The following PCDHGA12 variants were observed in gnomAD, a reference collection of about 807,000 sequenced individuals.
PCDHGA12 encodes protocadherin gamma-A12.
In PCDHGA12, 43 loss-of-function variants were observed where a neutral mutation model predicts 61.1. That is an observed-to-expected ratio of 0.70 (90% confidence interval 0.55 to 0.91). PCDHGA12 has a LOEUF of 0.91. Ranked by LOEUF, PCDHGA12 falls within the 40% of genes least tolerant of loss-of-function variation. The pLI, the probability that PCDHGA12 is intolerant of heterozygous loss-of-function variation, is 0.00. For synonymous variants in PCDHGA12, 520 were observed against 542.9 expected (o/e 0.96, Z 0.59); for missense variants, 1,236 against 1,227.7 (o/e 1.01, Z -0.10).
rs750109717 is a variant in PCDHGA12, at chr5:141,490,546, A to C, written c.2425-4261A>C. 1.9e-6 allele frequency: 3 copies of C among 1,614,110 alleles called. No individual in the cohort carries two copies. Among genetic ancestry groups the C allele is most frequent in the Non-Finnish European group, 2.5e-6 (3 of 1,180,036 alleles). On this transcript the variant is annotated intron_variant, in intron 1 of 3. Transcript: ENST00000252085. The surrounding 1 kb of genome is among the most constrained non-coding windows in gnomAD (Gnocchi z 5.4). ...CGATGCTGGTTCACCTTCCCTACAC[A>C]AACATCTCACCATCAGGCTCAACAT...
intron 1 of PCDHGA12, among the ~76,000 whole-genome samples, chr5:141,436,320 G>A (rs1158221950): frequency 6.6e-6 from 1 of 152,120 alleles, no homozygotes; most frequent in African/African-American, 2.4e-5. Flanking sequence ...AGTCAAGACT[G>A]TTAGACCATA....
intron 1 of PCDHGA12, among the ~76,000 whole-genome samples, chr5:141,447,123 T>TTTTG (rs1327676720): frequency 6.6e-6 from 1 of 152,160 alleles, no homozygotes; most frequent in Admixed American, 6.6e-5. Context: ...CCATGGATTT[T>TTTTG]TTTGTTTGTT....
chr5:141,440,667 T>C (rs1330266877), intron 1 of PCDHGA12: 1 of 152,218 alleles, frequency 6.6e-6, no homozygotes, highest in East Asian at 1.9e-4. Context: ...GCAGCAACTC[T>C]ATATTTCTCT....
At chr5:141,458,921 C>T (rs1471065767) in intron 1 of PCDHGA12, among the ~76,000 whole-genome samples, 1 of 151,960 alleles carries the variant, frequency 6.6e-6, no homozygotes, top group East Asian at 1.9e-4. Flanking sequence ...TTTGTGGAGA[C>T]GGGGTCTCAC....
At chr5:141,433,646 A>G (rs2097639113) in intron 1 of PCDHGA12, among the ~76,000 whole-genome samples, 1 of 152,012 alleles carries the variant, frequency 6.6e-6, no homozygotes, top group Non-Finnish European at 1.5e-5. Flanking sequence ...GACCAGCCTG[A>G]CCAACATGGA....
chr5:141,461,506 AT>A (rs1406680307), intron 1 of PCDHGA12, among the ~76,000 whole-genome samples: 2 of 151,524 alleles, frequency 1.3e-5, no homozygotes, highest in Non-Finnish European at 1.5e-5. Context: ...TTTCTTGGTG[AT>A]TTGTTAGTTC....
chr5:141,455,542 C>T (rs2154565110), intron 1 of PCDHGA12, among the ~76,000 whole-genome samples: 1 of 152,246 alleles, frequency 6.6e-6, no homozygotes, highest in African/African-American at 2.4e-5. Flanking sequence ...ATATCATTCA[C>T]GTAGCCCGAG....
At position 141,432,872 on chromosome 5, in the gene PCDHGA12, C is replaced by T; in HGVS notation, c.2113C>T (p.Leu705=). Residue 705 remains leucine (L), a synonymous_variant, in exon 1 of 4, where the codon CTG becomes TTG. Transcript: ENST00000252085. This position sits in a 1 kb window ranked among gnomAD's most constrained non-coding sequence, Gnocchi z 6.0. The part of the protein sequence containing the change: ...VAVAAVSCVF[L]AFVILLLALR... ...GGTGGCCGCGGTCTCCTGCGTCTTC[C>T]TGGCCTTCGTCATCTTGCTGCTGGC... is the stretch of plus-strand genomic sequence containing the variant. 1.9e-6 allele frequency: 3 copies of T among 1,614,192 alleles called. No homozygotes were observed. Among genetic ancestry groups the T allele is most frequent in the Non-Finnish European group, 2.5e-6 (3 of 1,180,018 alleles).
Position 141,511,565 on chromosome 5 carries a change from AG to A in PCDHGA12, c.*393del, listed in dbSNP as rs2099883852. 6.8e-6 allele frequency: 2 copies of A among 296,092 alleles called. No homozygotes were observed. Among genetic ancestry groups the A allele is most frequent in the South Asian group, 7.4e-5 (2 of 26,988 alleles). The allele number at this position is 296,092 out of a possible 1,614,324, so 18.3% of individuals were successfully genotyped here. On this transcript the variant is annotated 3_prime_UTR_variant, in exon 4 of 4. Transcript: ENST00000252085. ...CCACTCCAACAGTTCCTCTTTCCCG[AG>A]TAAGGTGGTTGGGGTGTTGAAGTAC...
At chr5:141,464,748 T>C (rs995568259) in intron 1 of PCDHGA12, among the ~76,000 whole-genome samples, 2 of 152,190 alleles carry the variant, frequency 1.3e-5, no homozygotes, top group Admixed American at 1.3e-4. Context: ...TATCTTTTTG[T>C]TTTTTTAGAG....
chr5:141,470,825 C>T (rs557419577), intron 1 of PCDHGA12, among the ~76,000 whole-genome samples: 5 of 152,064 alleles, frequency 3.3e-5, no homozygotes, highest in Admixed American at 1.3e-4. Context: ...GTAGTTAGGA[C>T]GACAAACACA....
intron 1 of PCDHGA12, among the ~76,000 whole-genome samples, chr5:141,456,006 T>C (rs909931677): frequency 6.6e-6 from 1 of 151,852 alleles, no homozygotes; most frequent in Non-Finnish European, 1.5e-5. Flanking sequence ...CATGCCATTC[T>C]CCTGCCTCAG....
intron 2 of PCDHGA12, among the ~76,000 whole-genome samples, chr5:141,497,879 G>A (rs62379207): frequency 4.6e-4 from 70 of 152,244 alleles, no homozygotes; most frequent in Non-Finnish European, 8.2e-4. Flanking sequence ...TGAAATAAGC[G>A]TTAGGATCTA....
intron 1 of PCDHGA12, among the ~76,000 whole-genome samples, chr5:141,481,668 A>G (rs1051166504): frequency 6.6e-6 from 1 of 152,090 alleles, no homozygotes; most frequent in Admixed American, 6.6e-5. Flanking sequence ...TAATACAAAA[A>G]TCAGGCCGGG....
intron 1 of PCDHGA12, chr5:141,478,676 G>A (rs540780497): frequency 6.4e-7 from 1 of 1,551,522 alleles, no homozygotes; most frequent in African/African-American, 1.4e-5. Flanking sequence ...CTTTCAACTG[G>A]CCCTTCCTAG....
intron 1 of PCDHGA12, among the ~76,000 whole-genome samples, chr5:141,455,138 T>C (rs1393664563): frequency 6.6e-6 from 1 of 151,028 alleles, no homozygotes; most frequent in Non-Finnish European, 1.5e-5. Context: ...TTACACTGTG[T>C]TAAATAAATA....
intron 1 of PCDHGA12, among the ~76,000 whole-genome samples, chr5:141,445,441 C>T (rs1201825256): frequency 6.6e-6 from 1 of 152,152 alleles, no homozygotes; most frequent in Admixed American, 6.6e-5. Context: ...GACCTATGGA[C>T]TAAGGATGCA....
At chr5:141,452,912 A>T (rs1301567203) in intron 1 of PCDHGA12, among the ~76,000 whole-genome samples, 1 of 152,228 alleles carries the variant, frequency 6.6e-6, no homozygotes, top group African/African-American at 2.4e-5. Flanking sequence ...GGCATTATAC[A>T]GTAAGAAAGA....
chr5:141,444,240 C>T (rs1017550385), intron 1 of PCDHGA12, among the ~76,000 whole-genome samples: 4 of 128,690 alleles, frequency 3.1e-5, no homozygotes, highest in African/African-American at 5.9e-5. Context: ...GGCATGCTCT[C>T]GGCTCACTGC....
Sources: gnomAD v4.1 joint callset for allele counts (sites outside exome capture counted in the v4.1 genomes callset) on GRCh38, gnomAD v4.1.1 for gene constraint, Gnocchi (gnomAD v3.1) non-coding constraint, MANE v1.5 for transcripts, NCBI Gene and HGNC (gene_info 2026-07-23, HGNC 2026-07-21) for gene names.